The following SETD2 variants were observed in gnomAD, a reference collection of about 807,000 sequenced individuals.
SETD2 encodes the protein histone-lysine N-methyltransferase SETD2.
A neutral mutation model predicts 242.1 loss-of-function variants in SETD2; 31 were observed. That is an observed-to-expected ratio of 0.13 (90% CI 0.10 to 0.17). The LOEUF is 0.17. Ranked by LOEUF, SETD2 falls within the 10% of genes least tolerant of loss-of-function variation. The pLI is 1.00. For synonymous variants in SETD2, 1,006 were observed against 1,066.5 expected, an observed-to-expected ratio of 0.94 and a Z score of 1.11; for missense variants, 2,481 against 3,046.3, an observed-to-expected ratio of 0.81 and a Z score of 4.37.
intron 1 of SETD2, among the ~76,000 whole-genome samples, chr3:47,143,540 T>C (rs2043783932): frequency 6.6e-6 from 1 of 152,218 alleles, no homozygotes; most frequent in Non-Finnish European, 1.5e-5. Flanking sequence ...CAGATTAGAA[T>C]TGCTATCTAG....
chr3:47,042,792 TAC>T, intron 16 of SETD2, 92 bp from the exon 17 acceptor site: 1 of 1,085,716 alleles, frequency 9.2e-7, no homozygotes, highest in Non-Finnish European at 1.3e-6. Context: ...TGTAAAAATG[TAC>T]ATCTACCTCC....
At chr3:47,081,508 T>A (rs2041317870) in intron 12 of SETD2, among the ~76,000 whole-genome samples, 1 of 152,188 alleles carries the variant, frequency 6.6e-6, no homozygotes, top group South Asian at 2.1e-4. Flanking sequence ...AACACATAGG[T>A]GGAAGTCAGA....
intron 15 of SETD2, among the ~76,000 whole-genome samples, chr3:47,052,978 C>T (rs979727848): frequency 1.3e-5 from 2 of 152,084 alleles, no homozygotes; most frequent in East Asian, 3.9e-4. Flanking sequence ...CAACCTCCAC[C>T]TCCTGGGTTC....
intron 18 of SETD2, among the ~76,000 whole-genome samples, chr3:47,021,657 G>T (rs1396858408): frequency 1.3e-5 from 2 of 152,278 alleles, no homozygotes; most frequent in Admixed American, 6.5e-5. Context: ...GAATACTCTT[G>T]AGAGTACTGA....
intron 1 of SETD2, among the ~76,000 whole-genome samples, chr3:47,141,327 C>T (rs945601683): frequency 6.6e-6 from 1 of 152,082 alleles, no homozygotes; most frequent in Admixed American, 6.6e-5. Context: ...TTAAACTGTA[C>T]CTATCTTGTA....
chr3:47,056,043 A>AAAAAAAT (rs2040052375), intron 15 of SETD2, among the ~76,000 whole-genome samples: 1 of 129,016 alleles, frequency 7.8e-6, no homozygotes, highest in Non-Finnish European at 1.6e-5. Context: ...AAAAAAAAAA[A>AAAAAAAT]GTTCTGCCTT....
At position 47,016,788 on chromosome 3, in the gene SETD2, CTG is replaced by C; in HGVS notation, c.*303_*304del. 2.7e-6 allele frequency: 1 copy of C among 377,100 alleles called. No individual in the cohort carries two copies. The highest frequency in any genetic ancestry group is 4.0e-5 in the Admixed American group (1 of 24,826). The allele number at this position is 377,100 out of a possible 1,614,324, so 23.4% of individuals were successfully genotyped here. A position where few individuals can be genotyped will look rare whatever the true frequency, so the allele number is the denominator to read the frequency against. On this transcript the variant is annotated 3_prime_UTR_variant, in exon 21 of 21. Transcript: ENST00000409792. Reference sequence around the variant, plus strand: ...GTGGGGATGCGCATGGGTCTGTGCGCTGACAGCACCGCCAAGGAGAAGACCCA... The same window carrying C: ...GTGGGGATGCGCATGGGTCTGTGCGCACAGCACCGCCAAGGAGAAGACCCA...
rs587778676 is a variant in SETD2, at chr3:47,121,923, A to G, written c.2713T>C (p.Ser905Pro). 2 of 1,613,780 alleles carry G rather than the reference A, an allele frequency of 1.2e-6. No individual in the cohort carries two copies. The highest frequency in any genetic ancestry group is 3.3e-5 in the Admixed American group (2 of 59,986). Residue 905 changes from serine (S) to proline (P), a missense_variant, in exon 3 of 21, where the codon TCT becomes CCT. By Grantham distance (74) the Ser-to-Pro change is moderately conservative (BLOSUM62 -1). This residue lies in a region of SETD2 where 1,300 missense variants were observed against 1,259.2 expected (regional missense o/e 1.03). Coordinates refer to ENST00000409792, the MANE Select transcript of SETD2 (RefSeq NM_014159.7). ...LTLLKCGENTSPVLDAVLKSK... is the reference protein window; with the variant it reads ...LTLLKCGENTPPVLDAVLKSK... ...TTTAGCACTGCATCCAGAACTGGAGATGTGTTCTCTCCGCATTTCAAGAGA... is the reference window on the plus strand; with the variant it reads ...TTTAGCACTGCATCCAGAACTGGAGGTGTGTTCTCTCCGCATTTCAAGAGA...
intron 1 of SETD2, among the ~76,000 whole-genome samples, chr3:47,131,695 A>G (rs1366699309): frequency 6.6e-6 from 1 of 151,900 alleles, no homozygotes; most frequent in Non-Finnish European, 1.5e-5. Context: ...GAAATTTTAT[A>G]ATACAAAGAG....
chr3:47,086,236 G>C lies in SETD2; in HGVS notation c.5356C>G (p.Leu1786Val), dbSNP rs2107645794. ...LSLLWIWMAE[L>V]GDGRESNQKL... is the part of the protein sequence containing the mutation. Reference sequence around the variant, plus strand: ...TGGTTACTTTCCCGGCCGTCACCTAGCTCTGCCATCCAGATCCACAACAAA... The same window carrying C: ...TGGTTACTTTCCCGGCCGTCACCTACCTCTGCCATCCAGATCCACAACAAA... Residue 1786 changes from leucine to valine, a missense_variant, in exon 11 of 21, where the codon CTA becomes GTA. Around this residue, in one of 17 missense-constraint regions of SETD2, gnomAD observed 62 missense variants for 136.7 expected, o/e 0.45. Transcript: ENST00000409792. 6.2e-7 allele frequency: 1 copy of C among 1,613,334 alleles called. No individual in the cohort carries two copies. Among genetic ancestry groups the C allele is most frequent in the Non-Finnish European group, 8.5e-7 (1 of 1,179,492 alleles).
intron 16 of SETD2, among the ~76,000 whole-genome samples, chr3:47,043,675 T>C (rs548573694): frequency 6.6e-6 from 1 of 152,318 alleles, no homozygotes; most frequent in African/African-American, 2.4e-5. Flanking sequence ...TCAGATAAAA[T>C]GTGTTCACTT....
rs10672755 is a variant in SETD2 at position 47,111,079 on chromosome 3, T to TAAAAAAAAAAAAAAAAAAAAAAAA, written c.4715+2773_4715+2796dup. ...GCTTGTGTCCAAACTGTGGTTCCTT[T>TAAAAAAAAAAAAAAAAAAAAAAAA]AAAAAAAAAAAAAAAAAAAAAAAAA... On this transcript the variant is annotated intron_variant, in intron 5 of 20. Coordinates refer to ENST00000409792, the MANE Select transcript of SETD2 (RefSeq NM_014159.7). Among the ~76,000 whole-genome samples the TAAAAAAAAAAAAAAAAAAAAAAAA allele has an allele frequency of 2.5e-5, 2 of 78,816 alleles. 1 individual carries two copies. The highest frequency in any genetic ancestry group is 4.5e-5 in the Non-Finnish European group (2 of 44,130). The allele number at this position is 78,816 out of a possible 152,430, so 51.7% of individuals were successfully genotyped here.
chr3:47,162,282 A>C (rs1036893662), intron 1 of SETD2, among the ~76,000 whole-genome samples: 1 of 151,966 alleles, frequency 6.6e-6, no homozygotes, highest in African/African-American at 2.4e-5. Context: ...TCGTGATATA[A>C]AATTTTTTTT....
chr3:47,037,892 T>A (rs2039091114), intron 17 of SETD2, 115 bp from the exon 18 acceptor site: 1 of 744,046 alleles, frequency 1.3e-6, no homozygotes, highest in Admixed American at 2.2e-5. Context: ...ATAGAATAAG[T>A]CAGCTCCATG....
chr3:47,126,641 T>C lies in SETD2; in HGVS notation c.87+7A>G, dbSNP rs965436563. ...AATCATTGAATGACTAGTTAAATTA[T>C]ACTTACCTCATTTTCTTCTTCTCTA... is the stretch of plus-strand genomic sequence containing the variant. On this transcript the variant is annotated splice_region_variant and intron_variant, in intron 2 of 20. Transcript: ENST00000409792. 2.2e-6 allele frequency: 3 copies of C among 1,344,196 alleles called. No individual in the cohort carries two copies. Among genetic ancestry groups the C allele is most frequent in the Non-Finnish European group, 3.1e-6 (3 of 963,406 alleles). 83.3% of individuals were successfully genotyped at this position (1,344,196 alleles called of 1,614,324 possible). A position where few individuals can be genotyped will look rare whatever the true frequency, so the allele number is the denominator to read the frequency against.
At chr3:47,019,675 A>T in intron 19 of SETD2, 85 bp downstream of exon 19, 1 of 1,140,958 alleles carries the variant, frequency 8.8e-7, no homozygotes, top group Non-Finnish European at 1.3e-6. Context: ...GGGGCAAAGG[A>T]GATATTCGAC....
intron 1 of SETD2, among the ~76,000 whole-genome samples, chr3:47,141,178 T>C (rs1015813484): frequency 2.0e-5 from 3 of 150,850 alleles, no homozygotes; most frequent in Admixed American, 2.0e-4. Flanking sequence ...TGGCTAATTT[T>C]TGAATTTTTA....
chr3:47,066,236 A>G (rs1011313562), intron 13 of SETD2, among the ~76,000 whole-genome samples: 6 of 152,238 alleles, frequency 3.9e-5, no homozygotes, highest in African/African-American at 1.4e-4. Flanking sequence ...TAATACACAT[A>G]ACATACATAA....
rs1311140567 is a variant in SETD2 at position 47,113,986 on chromosome 3, A to G, written c.4605T>C (p.Asn1535=). The change falls in exon 5 of 21, where the codon AAT becomes AAC. Residue 1535 remains asparagine, a synonymous_variant. Transcript: ENST00000409792. ...ACCGTCTATTGGAACAATAATCCCC[A>G]TTTGGACACCGAGAAGAACTGAAAT... The part of the protein sequence containing the change: ...LMIECSSRCP[N]GDYCSNRRFQ... 3 of 1,609,888 alleles carry G rather than the reference A, an allele frequency of 1.9e-6. No homozygotes were observed. The African/African-American group carries it at 4.0e-5, about 22-fold the overall frequency.
Sources: allele counts gnomAD v4.1 joint callset (sites outside exome capture counted in the v4.1 genomes callset), GRCh38; gene constraint gnomAD v4.1.1; regional missense constraint gnomAD v4.1.1; transcripts MANE v1.5; gene names NCBI Gene and HGNC (gene_info 2026-07-23, HGNC 2026-07-21).